AHNAK: variants seen among roughly 807,000 people sequenced by gnomAD.
AHNAK encodes the protein AHNAK nucleoprotein.
AHNAK carries 23 observed loss-of-function variants against 37.8 expected under a neutral mutation model. The ratio of observed to expected loss-of-function variants is 0.61; its 90% CI spans 0.44 to 0.86. The LOEUF (loss-of-function observed/expected upper bound fraction) is 0.86. AHNAK is among the 40% of genes least tolerant of loss of function. AHNAK has a pLI of 0.00. For synonymous variants in AHNAK, 2,481 were observed against 2,636.3 expected (o/e 0.94, Z 1.80); for missense variants, 7,411 against 7,319.4 (o/e 1.01, Z -0.46).
At chr11:62,494,914 C>A (rs569000057) in intron 4 of AHNAK, among the ~76,000 whole-genome samples, 10 of 150,880 alleles carry the variant, frequency 6.6e-5, no homozygotes, top group Admixed American at 3.3e-4. Context: ...GCACGAGAAT[C>A]GCTTGAACCC....
Position 62,517,237 on chromosome 11 carries a change from C to A in AHNAK, c.17180G>T (p.Gly5727Val). 1 of 1,614,202 alleles carries A rather than the reference C, an allele frequency of 6.2e-7. No individual in the cohort carries two copies. The highest frequency in any genetic ancestry group is 8.5e-7 in the Non-Finnish European group (1 of 1,180,052). Reference sequence around the variant, plus strand: ...TGATGCTTCTGGTGAGCCAGTGACACCACCTTTCCCTTTAGGTTTGGAAAA... The same window carrying A: ...TGATGCTTCTGGTGAGCCAGTGACAACACCTTTCCCTTTAGGTTTGGAAAA... ...FNFSKPKGKG[G>V]VTGSPEASIS... Residue 5727 changes from glycine (G) to valine (V), a missense_variant, in exon 5 of 5, where the codon GGT becomes GTT. Coordinates refer to ENST00000378024, the MANE Select transcript of AHNAK (RefSeq NM_001620.3).
downstream of AHNAK, among the ~76,000 whole-genome samples, chr11:62,515,394 G>C (rs1939989738): frequency 6.6e-6 from 1 of 152,230 alleles, no homozygotes; most frequent in Non-Finnish European, 1.5e-5. Flanking sequence ...GCAAGGGCCT[G>C]TAATCCCAGC....
intron 5 of AHNAK, among the ~76,000 whole-genome samples, chr11:62,476,337 C>T (rs1939146069): frequency 6.6e-6 from 1 of 152,090 alleles, no homozygotes; most frequent in African/African-American, 2.4e-5. Context: ...TGTAATGAGC[C>T]GAGATTGCAC....
intron 4 of AHNAK, among the ~76,000 whole-genome samples, chr11:62,498,620 T>C (rs1014714139): frequency 1.3e-5 from 2 of 150,642 alleles, no homozygotes; most frequent in African/African-American, 4.9e-5. Context: ...AAAAAGAAAT[T>C]TTTTTTTATT....
chr11:62,448,413 C>T (rs1489245785), intron 5 of AHNAK, among the ~76,000 whole-genome samples: 1 of 152,202 alleles, frequency 6.6e-6, no homozygotes, highest in African/African-American at 2.4e-5. Flanking sequence ...TGACTCGCCA[C>T]ACTACCTGCA....
At chr11:62,500,007 C>G (rs1479853221) in intron 4 of AHNAK, among the ~76,000 whole-genome samples, 3 of 152,198 alleles carry the variant, frequency 2.0e-5, no homozygotes, top group African/African-American at 7.2e-5. Context: ...CTCTGTCCCC[C>G]ACACCAGACT....
At chr11:62,537,548 C>T (rs1449885128) in intron 1 of AHNAK, 1 of 152,230 alleles carries the variant, frequency 6.6e-6, no homozygotes, top group Admixed American at 6.5e-5. Flanking sequence ...CATCTACCCA[C>T]ATTCTCAACC....
At chr11:62,499,507 C>T (rs570019530) in intron 4 of AHNAK, among the ~76,000 whole-genome samples, 1 of 152,216 alleles carries the variant, frequency 6.6e-6, no homozygotes, top group South Asian at 2.1e-4. Context: ...GCCAAGATCG[C>T]ACCACAGCAC....
chr11:62,452,276 T>C (rs1938556400), intron 5 of AHNAK, among the ~76,000 whole-genome samples: 1 of 152,224 alleles, frequency 6.6e-6, no homozygotes, highest in African/African-American at 2.4e-5. Flanking sequence ...CATGGCTTAC[T>C]ATCTCCATTT....
In AHNAK at chr11:62,532,874, T is replaced by C. The variant is rs747826789; in HGVS notation, c.1543A>G (p.Lys515Glu). Residue 515 changes from lysine (K) to glutamate (E), a missense_variant, in exon 5 of 5, where the codon AAA becomes GAA. Transcript: ENST00000378024. Reference protein sequence around the residue: ...VDLSLGSPKLKGDIKVSAPGV... With the variant: ...VDLSLGSPKLEGDIKVSAPGV... Reference sequence around the variant, plus strand: ...GGAGCAGAAACCTTAATATCTCCTTTCAGTTTAGGAGACCCAAGGCTCAGA... The same window carrying C: ...GGAGCAGAAACCTTAATATCTCCTTCCAGTTTAGGAGACCCAAGGCTCAGA... 6 of 1,614,088 alleles carry C rather than the reference T, an allele frequency of 3.7e-6. No individual in the cohort carries two copies. Among genetic ancestry groups the C allele is most frequent in the Non-Finnish European group, 5.1e-6 (6 of 1,180,018 alleles).
At chr11:62,483,258 C>T (rs1939312763) in intron 5 of AHNAK, among the ~76,000 whole-genome samples, 1 of 152,212 alleles carries the variant, frequency 6.6e-6, no homozygotes, top group South Asian at 2.1e-4. Context: ...ATGAATCAAT[C>T]AGTTCAGAGC....
At chr11:62,434,121 G>A (rs940327355) in intron 5 of AHNAK, among the ~76,000 whole-genome samples, 2 of 152,120 alleles carry the variant, frequency 1.3e-5, no homozygotes, top group African/African-American at 4.8e-5. Context: ...TGTGCGGCAA[G>A]GGTGGAAAGG....
intron 5 of AHNAK, among the ~76,000 whole-genome samples, chr11:62,486,223 C>T (rs368667778): frequency 2.0e-5 from 3 of 152,086 alleles, no homozygotes; most frequent in African/African-American, 7.2e-5. Context: ...GCCTGTAATC[C>T]CAGCACTTTG....
chr11:62,505,377 C>T (rs925778434), intron 4 of AHNAK, among the ~76,000 whole-genome samples: 4 of 152,186 alleles, frequency 2.6e-5, no homozygotes, highest in Non-Finnish European at 5.9e-5. Context: ...GCCACAGATG[C>T]TCTCTAGAGA....
intron 4 of AHNAK, among the ~76,000 whole-genome samples, chr11:62,499,683 T>C (rs1939680057): frequency 6.6e-6 from 1 of 152,196 alleles, no homozygotes; most frequent in Admixed American, 6.5e-5. Flanking sequence ...TGGTGGGGCT[T>C]AGGAGCTCCT....
intron 5 of AHNAK, among the ~76,000 whole-genome samples, chr11:62,441,449 C>T (rs60141250): frequency 0.15 from 22,988 of 151,978 alleles, 1,883 homozygotes; most frequent in Middle Eastern, 0.21. Context: ...CTCCAACCTA[C>T]GTGACAGAGT....
Position 62,523,332 on chromosome 11 carries a change from T to C in AHNAK, c.11085A>G (p.Lys3695=). 6.2e-7 allele frequency: 1 copy of C among 1,613,156 alleles called. No homozygotes were observed. Among genetic ancestry groups the C allele is most frequent in the Non-Finnish European group, 8.5e-7 (1 of 1,179,714 alleles). Residue 3695 remains lysine, a synonymous_variant, in exon 5 of 5, where the codon AAA becomes AAG. Transcript: ENST00000378024. ...CAGGGCCTTTTAGATCACCTTCCAC[T>C]TTGGGCAAAGACACAACCACATCAC... is the stretch of plus-strand genomic sequence containing the variant. ...MKGDVVVSLP[K]VEGDLKGPEV...
At chr11:62,496,883 A>G (rs1318158509) in intron 4 of AHNAK, among the ~76,000 whole-genome samples, 1 of 142,546 alleles carries the variant, frequency 7.0e-6, no homozygotes, top group Non-Finnish European at 1.5e-5. Flanking sequence ...GAGGGAGGGA[A>G]GGAAGGAAGG....
chr11:62,505,928 C>G (rs1283349109), intron 4 of AHNAK, among the ~76,000 whole-genome samples: 3 of 145,930 alleles, frequency 2.1e-5, no homozygotes, highest in Non-Finnish European at 4.5e-5. Context: ...TGGCTCATGT[C>G]TGTAATCCCG....
Sources: gnomAD v4.1 joint callset for allele counts (sites outside exome capture counted in the v4.1 genomes callset) on GRCh38, gnomAD v4.1.1 for gene constraint, MANE v1.5 for transcripts, NCBI Gene and HGNC (gene_info 2026-07-23, HGNC 2026-07-21) for gene names.